The following MAP3K13 variants were observed in gnomAD, a reference collection of about 807,000 sequenced individuals.
MAP3K13 encodes the protein mitogen-activated protein kinase kinase kinase 13, also known as leucine zipper-bearing kinase.
MAP3K13 carries 52 observed loss-of-function variants against 104.0 expected under a neutral mutation model. That is an observed-to-expected ratio of 0.50 (90% confidence interval 0.40 to 0.63). MAP3K13 has a LOEUF of 0.63. MAP3K13 is among the 20% of genes least tolerant of loss of function. MAP3K13 has a pLI of 0.00. For synonymous variants in MAP3K13, 394 were observed against 442.2 expected (o/e 0.89, Z 1.37); for missense variants, 914 against 1,218.5 (o/e 0.75, Z 3.72).
intron 2 of MAP3K13, among the ~76,000 whole-genome samples, chr3:185,429,809 A>G (rs983308346): frequency 2.6e-5 from 4 of 152,228 alleles, no homozygotes; most frequent in Non-Finnish European, 4.4e-5. Context: ...TTATTTTCTT[A>G]CAATAAAGGC....
At chr3:185,332,998 A>G (rs912873579) in intron 2 of MAP3K13, among the ~76,000 whole-genome samples, 2 of 152,186 alleles carry the variant, frequency 1.3e-5, no homozygotes, top group Non-Finnish European at 2.9e-5. Flanking sequence ...CCATTTTATC[A>G]TAGTTTTAAT....
chr3:185,410,471 C>T (rs12496182), intron 1 of MAP3K13, among the ~76,000 whole-genome samples: 25,909 of 151,832 alleles, frequency 0.17, 2,356 homozygotes, highest in African/African-American at 0.25. Flanking sequence ...AATATATATT[C>T]CCAAATAGCT....
At chr3:185,355,481 A>T (rs1237825990) in intron 2 of MAP3K13, among the ~76,000 whole-genome samples, 1 of 151,980 alleles carries the variant, frequency 6.6e-6, no homozygotes. Flanking sequence ...AAAAAAAAAA[A>T]AAATTAGCCG....
chr3:185,476,983 T>C, intron 11 of MAP3K13: 1 of 414,816 alleles, frequency 2.4e-6, no homozygotes, highest in South Asian at 2.0e-5. Context: ...GTGACAATGA[T>C]TACAAGAGAC....
At position 185,455,310 on chromosome 3, in the gene MAP3K13, G is replaced by GATATATATGAT. The variant is rs1560119073; in HGVS notation, c.1278+3925_1278+3926insTATATATATGA. On this transcript the variant is annotated intron_variant, in intron 7 of 13. Transcript: ENST00000265026. ...AGATATATATATGAGATATATATGA[G>GATATATATGAT]ATATATATGAGATATATATGATATA... 1.2e-3 allele frequency among the ~76,000 whole-genome samples: 18 copies of GATATATATGAT among 14,946 alleles called. 3 individuals carry two copies. The highest frequency in any genetic ancestry group is 2.6e-3 in the African/African-American group (15 of 5,878). 9.8% of individuals were successfully genotyped at this position (14,946 alleles called of 152,430 possible).
chr3:185,332,961 C>G (rs1287518986), intron 2 of MAP3K13, among the ~76,000 whole-genome samples: 1 of 152,260 alleles, frequency 6.6e-6, no homozygotes, highest in Admixed American at 6.5e-5. Context: ...TTTGAGGAAC[C>G]ACCATACGTT....
rs949348308 is a variant in MAP3K13 at position 185,321,008 on chromosome 3, T to C, written c.-86+35365T>C. On this transcript the variant is annotated intron_variant, in intron 2 of 14. Transcript: ENST00000424227. The stretch of plus-strand genomic sequence containing the variant: ...GTGTGTGCGTGCATATATACATGCA[T>C]GTATATATACATATGTGTGTATATA... Among the ~76,000 whole-genome samples, 3 of 142,380 alleles carry C rather than the reference T, an allele frequency of 2.1e-5. No individual in the cohort carries two copies. The Admixed American group carries it at 2.3e-4, about 11-fold the overall frequency. The allele number at this position is 142,380 out of a possible 152,430, so 93.4% of individuals were successfully genotyped here.
At chr3:185,318,121 T>C (rs1721739742) in intron 2 of MAP3K13, among the ~76,000 whole-genome samples, 1 of 152,186 alleles carries the variant, frequency 6.6e-6, no homozygotes, top group Admixed American at 6.5e-5. Context: ...TTTAATTAAT[T>C]TAGAAGTTAA....
rs1487767323 is a variant in MAP3K13, at chr3:185,454,905, A to C, written c.1278+3510A>C. Among the ~76,000 whole-genome samples the C allele has an allele frequency of 9.4e-5, 10 of 106,188 alleles. No homozygotes were observed. The East Asian group carries it at 2.8e-3, about 29-fold the overall frequency. The allele number at this position is 106,188 out of a possible 152,430, so 69.7% of individuals were successfully genotyped here. A position where few individuals can be genotyped will look rare whatever the true frequency, so the allele number is the denominator to read the frequency against. On this transcript the variant is annotated intron_variant, in intron 7 of 13. Coordinates refer to ENST00000265026, the MANE Select transcript of MAP3K13 (RefSeq NM_004721.5). Reference sequence around the variant, plus strand: ...TATGATATATATATGAGATATATATATGATATATATATGAGATATATATAT... The same window carrying C: ...TATGATATATATATGAGATATATATCTGATATATATATGAGATATATATAT...
At chr3:185,440,829 C>T (rs1490825241) in intron 3 of MAP3K13, among the ~76,000 whole-genome samples, 1 of 152,176 alleles carries the variant, frequency 6.6e-6, no homozygotes, top group East Asian at 1.9e-4. Flanking sequence ...CTTACAGATA[C>T]TCTGCTAACT....
intron 1 of MAP3K13, among the ~76,000 whole-genome samples, chr3:185,284,166 TTATC>T (rs1374822141): frequency 1.3e-5 from 2 of 152,120 alleles, no homozygotes; most frequent in Non-Finnish European, 2.9e-5. Flanking sequence ...GTTTTCTTCC[TTATC>T]TTATAAGTAA....
intron 1 of MAP3K13, among the ~76,000 whole-genome samples, chr3:185,284,561 T>C (rs1217160759): frequency 3.3e-5 from 5 of 151,580 alleles, no homozygotes; most frequent in Admixed American, 2.0e-4. Flanking sequence ...ACTAAAAATA[T>C]GGAAAAAATT....
intron 1 of MAP3K13, among the ~76,000 whole-genome samples, chr3:185,403,026 G>C (rs1360674027): frequency 1.3e-5 from 2 of 152,108 alleles, no homozygotes; most frequent in Admixed American, 1.3e-4. Context: ...GAAGATACTG[G>C]TATATAGTCT....
chr3:185,479,055 G>A (rs890646059), intron 12 of MAP3K13, among the ~76,000 whole-genome samples: 10 of 152,126 alleles, frequency 6.6e-5, no homozygotes, highest in Middle Eastern at 3.2e-3. Flanking sequence ...GGAAGGAACT[G>A]AGGAACTTTT....
intron 2 of MAP3K13, among the ~76,000 whole-genome samples, chr3:185,324,587 C>T (rs1280895901): frequency 6.6e-6 from 1 of 152,130 alleles, no homozygotes; most frequent in Non-Finnish European, 1.5e-5. Context: ...CTTCCCTCTC[C>T]CAGGGGCACA....
At chr3:185,376,260 C>T (rs1466259105) in intron 1 of MAP3K13, among the ~76,000 whole-genome samples, 3 of 152,060 alleles carry the variant, frequency 2.0e-5, no homozygotes, top group Non-Finnish European at 2.9e-5. Flanking sequence ...AGAGTGAGTA[C>T]AGCTGAAGAA....
At chr3:185,401,806 G>A (rs756377061) in intron 1 of MAP3K13, among the ~76,000 whole-genome samples, 11 of 152,134 alleles carry the variant, frequency 7.2e-5, no homozygotes, top group Admixed American at 2.6e-4. Context: ...GTGGAAATGA[G>A]GTTTTGAGGC....
At chr3:185,322,912 T>G (rs1179256867) in intron 2 of MAP3K13, among the ~76,000 whole-genome samples, 2 of 152,232 alleles carry the variant, frequency 1.3e-5, no homozygotes, top group Non-Finnish European at 2.9e-5. Flanking sequence ...TACCCTAATG[T>G]AGGCCCTCGT....
intron 1 of MAP3K13, among the ~76,000 whole-genome samples, chr3:185,374,332 G>T (rs1724314115): frequency 6.6e-6 from 1 of 152,112 alleles, no homozygotes; most frequent in South Asian, 2.1e-4. Flanking sequence ...AGAGATAATG[G>T]GCGATGTTTC....
Sources: gnomAD v4.1 joint callset for allele counts (sites outside exome capture counted in the v4.1 genomes callset) on GRCh38, gnomAD v4.1.1 for gene constraint, MANE v1.5 for transcripts, NCBI Gene and HGNC (gene_info 2026-07-23, HGNC 2026-07-21) for gene names.